ZFAND3: variants seen among roughly 807,000 people sequenced by gnomAD.
The protein encoded by ZFAND3 is AN1-type zinc finger protein 3.
In ZFAND3, 10 loss-of-function variants were observed where a neutral mutation model predicts 29.6. The ratio of observed to expected loss-of-function variants is 0.34; its 90% CI spans 0.21 to 0.57. ZFAND3 has a LOEUF of 0.57. ZFAND3 is among the 20% of genes least tolerant of loss of function. ZFAND3 has a pLI of 0.86. For synonymous variants in ZFAND3, 128 were observed against 112.6 expected, an observed-to-expected ratio of 1.14 and a Z score of -0.87; for missense variants, 230 against 304.5, an observed-to-expected ratio of 0.76 and a Z score of 1.82.
chr6:37,896,590 C>G (rs1037694595), intron 1 of ZFAND3, among the ~76,000 whole-genome samples: 2 of 102,992 alleles, frequency 1.9e-5, no homozygotes, highest in African/African-American at 8.7e-5. Context: ...CTCTCTTTCT[C>G]TTTTTCTTTC....
intron 3 of ZFAND3, among the ~76,000 whole-genome samples, chr6:38,076,344 G>A (rs984289947): frequency 2.6e-5 from 4 of 151,978 alleles, no homozygotes; most frequent in Non-Finnish European, 5.9e-5. Context: ...TGTGCAACTC[G>A]AACTTTATTG....
At chr6:38,150,919 TGATCCAGGCCCACGGGGCCTG>T (rs1382958461) in intron 5 of ZFAND3, among the ~76,000 whole-genome samples, 1 of 152,176 alleles carries the variant, frequency 6.6e-6, no homozygotes, top group Non-Finnish European at 1.5e-5. Context: ...CCTGTGGACC[TGATCCAGGCCCACGGGGCCTG>T]GAGGTGTGGT....
At chr6:37,908,560 G>GA (rs1186708777) in intron 1 of ZFAND3, among the ~76,000 whole-genome samples, 5 of 111,864 alleles carry the variant, frequency 4.5e-5, no homozygotes, top group African/African-American at 1.6e-4. Flanking sequence ...AAAAAAAAAA[G>GA]AAAAAAAAGA....
At chr6:37,821,133 C>T (rs565194045) in intron 1 of ZFAND3, among the ~76,000 whole-genome samples, 1 of 152,252 alleles carries the variant, frequency 6.6e-6, no homozygotes, top group East Asian at 1.9e-4. Context: ...AGTAGTTTTC[C>T]CTTTGCTATC....
intron 2 of ZFAND3, among the ~76,000 whole-genome samples, chr6:37,977,831 C>CTTCCTTCCTTCCTTCCTTCCTTCCTTT (rs1561953795): frequency 1.1e-4 from 1 of 8,724 alleles, no homozygotes; most frequent in Non-Finnish European, 3.4e-4. Flanking sequence ...AAATGCTTTT[C>CTTCCTTCCTTCCTTCCTTCCTTCCTTT]CTTCCTTCCT....
chr6:37,866,267 A>G (rs1561915776), intron 1 of ZFAND3, among the ~76,000 whole-genome samples: 1 of 152,168 alleles, frequency 6.6e-6, no homozygotes, highest in African/African-American at 2.4e-5. Context: ...TGAGATTATC[A>G]TTCTTTTATT....
At chr6:37,901,681 C>A (rs149951115) in intron 1 of ZFAND3, among the ~76,000 whole-genome samples, 1 of 152,190 alleles carries the variant, frequency 6.6e-6, no homozygotes, top group Non-Finnish European at 1.5e-5. Flanking sequence ...CAATTACTAA[C>A]TTCCAGTATG....
intron 2 of ZFAND3, among the ~76,000 whole-genome samples, chr6:37,968,343 T>C (rs945129427): frequency 1.3e-5 from 2 of 151,302 alleles, no homozygotes; most frequent in African/African-American, 2.4e-5. Flanking sequence ...ATTGATAGGA[T>C]ATTATGCATT....
At chr6:37,914,214 A>AT (rs976308303) in intron 1 of ZFAND3, among the ~76,000 whole-genome samples, 6 of 151,534 alleles carry the variant, frequency 4.0e-5, no homozygotes, top group South Asian at 2.1e-4. Flanking sequence ...TTTGAAAGGA[A>AT]TTTTTTTTTC....
intron 1 of ZFAND3, among the ~76,000 whole-genome samples, chr6:37,898,772 T>G (rs1765264672): frequency 1.3e-5 from 2 of 152,234 alleles, no homozygotes; most frequent in Admixed American, 1.3e-4. Context: ...TAAAATTAAT[T>G]TTTGTATGTT....
At chr6:37,829,487 A>G (rs973533607) in intron 1 of ZFAND3, among the ~76,000 whole-genome samples, 2 of 152,220 alleles carry the variant, frequency 1.3e-5, no homozygotes, top group Non-Finnish European at 2.9e-5. Context: ...GTGAGCCAAG[A>G]TTGCACTACT....
chr6:38,075,074 A>G (rs990646815), intron 3 of ZFAND3, among the ~76,000 whole-genome samples: 1 of 152,226 alleles, frequency 6.6e-6, no homozygotes, highest in African/African-American at 2.4e-5. Flanking sequence ...GGAGAGGTAC[A>G]AGGAAATTTA....
At chr6:37,963,346 C>T (rs375944322) in intron 2 of ZFAND3, among the ~76,000 whole-genome samples, 466 of 152,198 alleles carry the variant, frequency 3.1e-3, no homozygotes, top group South Asian at 0.012. Flanking sequence ...ATAGCGAAAG[C>T]AGTACTAGGA....
intron 2 of ZFAND3, among the ~76,000 whole-genome samples, chr6:38,022,406 G>T (rs1763369392): frequency 1.3e-5 from 2 of 152,186 alleles, no homozygotes; most frequent in South Asian, 2.1e-4. Flanking sequence ...GATGCTGTTT[G>T]TGCATCTTCC....
At chr6:37,829,417 T>C (rs1763818776) in intron 1 of ZFAND3, among the ~76,000 whole-genome samples, 1 of 151,900 alleles carries the variant, frequency 6.6e-6, no homozygotes, top group African/African-American at 2.4e-5. Flanking sequence ...GCGCCTGTAA[T>C]CCCAGCTACT....
chr6:37,973,786 A>T (rs1762430741), intron 2 of ZFAND3, among the ~76,000 whole-genome samples: 1 of 152,190 alleles, frequency 6.6e-6, no homozygotes, highest in African/African-American at 2.4e-5. Flanking sequence ...TTTTTTCATG[A>T]AATAATTTAA....
intron 1 of ZFAND3, among the ~76,000 whole-genome samples, chr6:37,873,109 AC>A (rs767976912): frequency 4.0e-5 from 6 of 151,252 alleles, no homozygotes; most frequent in East Asian, 1.9e-4. Flanking sequence ...AACAAAAAAA[AC>A]CCCCCAAAAA....
intron 1 of ZFAND3, among the ~76,000 whole-genome samples, chr6:37,899,472 C>T (rs1359463741): frequency 6.6e-6 from 1 of 152,052 alleles, no homozygotes; most frequent in African/African-American, 2.4e-5. Context: ...ATGTGCCCAG[C>T]CTGTTCATTT....
intron 1 of ZFAND3, among the ~76,000 whole-genome samples, chr6:37,885,445 A>T (rs1361495112): frequency 6.6e-6 from 1 of 152,116 alleles, no homozygotes; most frequent in Non-Finnish European, 1.5e-5. Context: ...GGAGTTAGAG[A>T]CCAGCCTGGC....
Sources: gnomAD v4.1 joint callset for allele counts (sites outside exome capture counted in the v4.1 genomes callset) on GRCh38, gnomAD v4.1.1 for gene constraint, MANE v1.5 for transcripts, NCBI Gene and HGNC (gene_info 2026-07-23, HGNC 2026-07-21) for gene names.